Variants in LDB2 observed in about 807,000 individuals in gnomAD.
LDB2 encodes LIM domain binding 2, also known as LIM domain-binding protein 2.
Under a neutral mutation model 44.3 loss-of-function variants are expected in LDB2, and 12 were observed. The ratio of observed to expected loss-of-function variants is 0.27; its 90% CI spans 0.17 to 0.44. LDB2 has a LOEUF of 0.44. LDB2 is among the 20% of genes least tolerant of loss of function. The pLI, the probability that LDB2 is intolerant of heterozygous loss-of-function variation, is 1.00. For missense variants in LDB2, 344 were observed against 473.5 expected, an observed-to-expected ratio of 0.73 and a Z score of 2.54; for synonymous variants, 164 against 174.8, an observed-to-expected ratio of 0.94 and a Z score of 0.49.
At chr4:16,651,375 A>G (rs1285227082) in intron 2 of LDB2, among the ~76,000 whole-genome samples, 1 of 152,256 alleles carries the variant, frequency 6.6e-6, no homozygotes, top group Admixed American at 6.5e-5. Context: ...ATTAGTGCCC[A>G]TGAATAAATT....
chr4:16,865,206 A>G (rs898654013), intron 1 of LDB2, among the ~76,000 whole-genome samples: 1 of 152,136 alleles, frequency 6.6e-6, no homozygotes, highest in African/African-American at 2.4e-5. Flanking sequence ...AAGCAGAGAC[A>G]GCGCCACTGC....
chr4:16,601,068 G>T (rs1383084855), intron 2 of LDB2, among the ~76,000 whole-genome samples: 1 of 151,712 alleles, frequency 6.6e-6, no homozygotes, highest in Admixed American at 6.6e-5. Context: ...GAAAATATTC[G>T]AACTAGTTAT....
chr4:16,832,856 C>T (rs769115959), intron 1 of LDB2, among the ~76,000 whole-genome samples: 1 of 152,180 alleles, frequency 6.6e-6, no homozygotes, highest in African/African-American at 2.4e-5. Flanking sequence ...TTAGAAACCT[C>T]TCACATTCCT....
intron 2 of LDB2, among the ~76,000 whole-genome samples, chr4:16,693,352 T>C (rs1376849794): frequency 1.3e-5 from 1 of 79,514 alleles, no homozygotes; most frequent in Admixed American, 1.2e-4. Context: ...TAGTTCTTTT[T>C]TTTTTTTTTT....
At chr4:16,759,718 C>G (rs1298706425) in intron 1 of LDB2, among the ~76,000 whole-genome samples, 1 of 152,056 alleles carries the variant, frequency 6.6e-6, no homozygotes, top group East Asian at 1.9e-4. Context: ...GTTCCTAGCT[C>G]TACTATACAC....
chr4:16,577,504 A>G (rs1004860281), intron 5 of LDB2, among the ~76,000 whole-genome samples: 1 of 152,176 alleles, frequency 6.6e-6, no homozygotes, highest in Non-Finnish European at 1.5e-5. Context: ...AATACCTAGG[A>G]ATTAACCAAG....
chr4:16,520,067 C>T (rs1725407865), intron 5 of LDB2, among the ~76,000 whole-genome samples: 1 of 151,992 alleles, frequency 6.6e-6, no homozygotes, highest in African/African-American at 2.4e-5. Context: ...GATAATAACC[C>T]ATATTTAGAA....
chr4:16,714,089 T>C (rs1482550630), intron 2 of LDB2, among the ~76,000 whole-genome samples: 4 of 152,134 alleles, frequency 2.6e-5, no homozygotes, highest in East Asian at 1.9e-4. Context: ...AAAAAAGTCA[T>C]TGGGTGGAAA....
At chr4:16,557,621 C>A (rs1740232228) in intron 5 of LDB2, among the ~76,000 whole-genome samples, 1 of 152,230 alleles carries the variant, frequency 6.6e-6, no homozygotes, top group South Asian at 2.1e-4. Context: ...TCTGTAGGCT[C>A]CACCTCTGGG....
At chr4:16,869,745 T>A (rs1429154131) in intron 1 of LDB2, among the ~76,000 whole-genome samples, 3 of 152,212 alleles carry the variant, frequency 2.0e-5, no homozygotes, top group Admixed American at 2.0e-4. Context: ...ACGTGCTTCA[T>A]TTTTTGAGTT....
At chr4:16,793,046 A>G (rs1350230761) in intron 1 of LDB2, among the ~76,000 whole-genome samples, 1 of 152,168 alleles carries the variant, frequency 6.6e-6, no homozygotes, top group African/African-American at 2.4e-5. Flanking sequence ...ACAGGATTTC[A>G]GGTTATATAA....
chr4:16,772,424 T>C (rs569302978), intron 1 of LDB2, among the ~76,000 whole-genome samples: 1 of 152,188 alleles, frequency 6.6e-6, no homozygotes, highest in Admixed American at 6.5e-5. Context: ...AAAAGATAAA[T>C]CTATCAAGGA....
At chr4:16,631,613 A>G (rs185566756) in intron 2 of LDB2, among the ~76,000 whole-genome samples, 55 of 152,348 alleles carry the variant, frequency 3.6e-4, no homozygotes, top group African/African-American at 1.3e-3. Context: ...ATAAAGACTT[A>G]AAAAACCCTT....
chr4:16,643,189 G>A (rs1045259058), intron 2 of LDB2, among the ~76,000 whole-genome samples: 3 of 151,508 alleles, frequency 2.0e-5, no homozygotes, highest in Non-Finnish European at 4.4e-5. Flanking sequence ...GGGGTGGGAT[G>A]GGGTGGGGGG....
chr4:16,690,624 T>C (rs1750524027), intron 2 of LDB2, among the ~76,000 whole-genome samples: 1 of 151,764 alleles, frequency 6.6e-6, no homozygotes, highest in South Asian at 2.1e-4. Flanking sequence ...TGGTTTTTTA[T>C]ACCTGCTCTG....
At chr4:16,556,788 A>G (rs1739781225) in intron 5 of LDB2, among the ~76,000 whole-genome samples, 1 of 152,228 alleles carries the variant, frequency 6.6e-6, no homozygotes, top group African/African-American at 2.4e-5. Flanking sequence ...TCTCGTTACC[A>G]GTTTGTAGTT....
At chr4:16,886,753 C>G (rs1721805300) in intron 1 of LDB2, among the ~76,000 whole-genome samples, 1 of 151,986 alleles carries the variant, frequency 6.6e-6, no homozygotes, top group African/African-American at 2.4e-5. Flanking sequence ...ACTGTTTTGG[C>G]TGGGCACGGT....
At chr4:16,859,734 A>G (rs1172504138) in intron 1 of LDB2, among the ~76,000 whole-genome samples, 1 of 152,224 alleles carries the variant, frequency 6.6e-6, no homozygotes, top group Non-Finnish European at 1.5e-5. Flanking sequence ...GGGCCACACA[A>G]TCACAGTACC....
At chr4:16,742,627 A>G (rs1424690855) in intron 2 of LDB2, among the ~76,000 whole-genome samples, 1 of 152,160 alleles carries the variant, frequency 6.6e-6, no homozygotes, top group Non-Finnish European at 1.5e-5. Flanking sequence ...TTCAACAGAC[A>G]TGTGGCCAAA....
Sources: gnomAD v4.1 joint callset for allele counts (sites outside exome capture counted in the v4.1 genomes callset) on GRCh38, gnomAD v4.1.1 for gene constraint, MANE v1.5 for transcripts, NCBI Gene and HGNC (gene_info 2026-07-23, HGNC 2026-07-21) for gene names.